Variants in PCM1 observed in about 807,000 individuals in gnomAD.
PCM1 encodes the protein pericentriolar material 1 protein.
In PCM1, 157 loss-of-function variants were observed where a neutral mutation model predicts 241.9. The observed-to-expected ratio is 0.65, with a 90% CI of 0.57 to 0.74. PCM1 has a LOEUF of 0.74. Ranked by LOEUF, PCM1 falls within the 30% of genes least tolerant of loss-of-function variation. The pLI is 0.00. For synonymous variants in PCM1, 1,085 were observed against 784.9 expected (o/e 1.38, Z -6.39); for missense variants, 3,478 against 2,360.1 (o/e 1.47, Z -9.81).
At chr8:17,941,110 A>G (rs932465505) in intron 6 of PCM1, among the ~76,000 whole-genome samples, 2 of 152,186 alleles carry the variant, frequency 1.3e-5, no homozygotes, top group Non-Finnish European at 2.9e-5. Context: ...AGATACTTAG[A>G]GAGCCTGATC....
intron 2 of PCM1, among the ~76,000 whole-genome samples, chr8:17,933,520 G>C (rs193088034): frequency 6.6e-6 from 1 of 152,266 alleles, no homozygotes; most frequent in Non-Finnish European, 1.5e-5. Flanking sequence ...AGAAAAAGTG[G>C]TTGGTTGTAA....
At chr8:17,999,610 G>T (rs1236366659) in intron 29 of PCM1, among the ~76,000 whole-genome samples, 1 of 152,142 alleles carries the variant, frequency 6.6e-6, no homozygotes, top group Non-Finnish European at 1.5e-5. Context: ...GCTGCAGTCA[G>T]TGCTGCCTGG....
chr8:17,931,352 G>C (rs571410339), intron 2 of PCM1, among the ~76,000 whole-genome samples: 2 of 151,804 alleles, frequency 1.3e-5, no homozygotes, highest in African/African-American at 4.8e-5. Flanking sequence ...GCAGTGGCGT[G>C]ATCTCAGCAC....
intron 2 of PCM1, among the ~76,000 whole-genome samples, chr8:17,932,823 C>G (rs78314046): frequency 6.6e-6 from 1 of 151,986 alleles, no homozygotes; most frequent in South Asian, 2.1e-4. Context: ...CTGTTTTAAT[C>G]TTTGACTATT....
chr8:17,969,058 G>C (rs2076009361), intron 21 of PCM1, among the ~76,000 whole-genome samples: 1 of 151,812 alleles, frequency 6.6e-6, no homozygotes, highest in Non-Finnish European at 1.5e-5. Flanking sequence ...CTTGCAAATA[G>C]CTCTGATACA....
intron 4 of PCM1, among the ~76,000 whole-genome samples, chr8:17,938,517 T>C (rs1459695581): frequency 6.6e-6 from 1 of 152,196 alleles, no homozygotes; most frequent in Non-Finnish European, 1.5e-5. Flanking sequence ...TATTCGTCAG[T>C]TGAATTGTCT....
In PCM1 at chr8:17,972,366, A is replaced by G. The variant is rs1002531414; in HGVS notation, c.3622A>G (p.Arg1208Gly). 6.4e-7 allele frequency: 1 copy of G among 1,562,022 alleles called. No homozygotes were observed. Among genetic ancestry groups the G allele is most frequent in the Non-Finnish European group, 8.7e-7 (1 of 1,154,208 alleles). ...KLPEEEVESS[R>G]TPWLYEQEGE... ...GCCTGAAGAGGAGGTGGAAAGCAGTAGGACACCATGGTTATATGAACAAGA... is the reference window on the plus strand; with the variant it reads ...GCCTGAAGAGGAGGTGGAAAGCAGTGGGACACCATGGTTATATGAACAAGA... The change falls in exon 23 of 39, where the codon AGG becomes GGG. Residue 1208 changes from arginine to glycine, a missense_variant. Arg to Gly is a moderately radical substitution (Grantham distance 125). Transcript: ENST00000325083.
chr8:18,024,810 A>T (rs1210176312), intron 36 of PCM1: 2 of 152,360 alleles, frequency 1.3e-5, no homozygotes, highest in African/African-American at 4.8e-5. Context: ...CAAGAAGAAG[A>T]AAAACCTAAG....
chr8:17,991,393 A>G lies in PCM1; in HGVS notation c.4532-149A>G, dbSNP rs1054891137. On this transcript the variant is annotated intron_variant, in intron 27 of 38. Coordinates refer to ENST00000325083, the MANE Select transcript of PCM1 (RefSeq NM_006197.4). ...GGATTAAATAAGTGTGACAATGTAT[A>G]TGAAGTGCTCAAGTAGTATAGTGTG... is the stretch of plus-strand genomic sequence containing the variant. The G allele has an allele frequency of 3.1e-5, 18 of 586,746 alleles. No homozygotes were observed. The African/African-American group carries it at 3.2e-4, about 10-fold the overall frequency. The allele number at this position is 586,746 out of a possible 1,614,324, so 36.3% of individuals were successfully genotyped here. A position where few individuals can be genotyped will look rare whatever the true frequency, so the allele number is the denominator to read the frequency against.
chr8:17,938,971 G>A lies in PCM1; in HGVS notation c.574G>A (p.Glu192Lys). 3 of 1,613,740 alleles carry A rather than the reference G, an allele frequency of 1.9e-6. No individual in the cohort carries two copies. Reference sequence around the variant, plus strand: ...CTTGCAAAACTGTCAGGTGTCTGAAGAAGATGGGAGGGGAGAACCTGCAAT... The same window carrying A: ...CTTGCAAAACTGTCAGGTGTCTGAAAAAGATGGGAGGGGAGAACCTGCAAT... ...DLLQNCQVSEEDGRGEPAMES... is the reference protein window; with the variant it reads ...DLLQNCQVSEKDGRGEPAMES... Residue 192 changes from glutamate (E) to lysine (K), a missense_variant, in exon 5 of 39, where the codon GAA becomes AAA. Glu to Lys is a moderately conservative substitution (Grantham distance 56). Transcript: ENST00000325083.
At chr8:18,006,209 C>T (rs1410164055) in intron 29 of PCM1, 54 bp from the exon 30 acceptor site, 8 of 1,407,348 alleles carry the variant, frequency 5.7e-6, no homozygotes, top group Non-Finnish European at 5.8e-6. Flanking sequence ...GATTGATTTT[C>T]TTTTTTTAAA....
intron 36 of PCM1, among the ~76,000 whole-genome samples, chr8:18,024,474 C>CT (rs1281966544): frequency 6.6e-6 from 1 of 152,096 alleles, no homozygotes; most frequent in Non-Finnish European, 1.5e-5. Context: ...TCTTCTAACT[C>CT]TTTTGTTTGC....
chr8:17,950,651 G>T lies in PCM1; in HGVS notation c.998G>T (p.Ser333Ile). Residue 333 changes from serine to isoleucine, a missense_variant, in exon 8 of 39, where the codon AGT becomes ATT. Physicochemically the swap from Ser to Ile is moderately radical, Grantham distance 142. Coordinates refer to ENST00000325083, the MANE Select transcript of PCM1 (RefSeq NM_006197.4). ...AETAGSLSGV[S>I]ITSELNEELN... is the part of the protein sequence containing the mutation. Reference sequence around the variant, plus strand: ...ACTGCAGGTAGCTTATCTGGCGTCAGTATCACATCTGAACTAAATGAAGAA... The same window carrying T: ...ACTGCAGGTAGCTTATCTGGCGTCATTATCACATCTGAACTAAATGAAGAA... 4.4e-6 allele frequency: 7 copies of T among 1,605,858 alleles called. No homozygotes were observed. Among genetic ancestry groups the T allele is most frequent in the Non-Finnish European group, 6.0e-6 (7 of 1,175,204 alleles).
rs777353771 is a variant in PCM1, at chr8:17,938,759, C to A, written c.362C>A (p.Ser121Tyr). 1 of 1,611,058 alleles carries A rather than the reference C, an allele frequency of 6.2e-7. No individual in the cohort carries two copies. The highest frequency in any genetic ancestry group is 1.1e-5 in the South Asian group (1 of 91,036). Reference protein sequence around the residue: ...DLDQRSIGSDSQGRATAANNK... With the variant: ...DLDQRSIGSDYQGRATAANNK... ...ATATAGAGAAGCATTGGAAGTGATT[C>A]CCAAGGTAGAGCAACAGCTGCTAAC... Residue 121 changes from serine to tyrosine, a missense_variant, in exon 5 of 39, where the codon TCC (serine) becomes TAC (tyrosine). Coordinates refer to ENST00000325083, the MANE Select transcript of PCM1 (RefSeq NM_006197.4).
At chr8:17,991,987 A>G (rs2084813422) in intron 28 of PCM1, among the ~76,000 whole-genome samples, 1 of 152,216 alleles carries the variant, frequency 6.6e-6, no homozygotes, top group African/African-American at 2.4e-5. Flanking sequence ...CATCACTTAG[A>G]TTAACGGTCT....
intron 21 of PCM1, chr8:17,969,333 C>T (rs1343552939): frequency 8.2e-6 from 3 of 365,508 alleles, no homozygotes; most frequent in Non-Finnish European, 1.5e-5. Flanking sequence ...ATGTCAGGTA[C>T]CATTATTTCT....
chr8:17,939,094 C>A, intron 5 of PCM1, 85 bp downstream of exon 5: 1 of 1,361,964 alleles, frequency 7.3e-7, no homozygotes, highest in Non-Finnish European at 1.0e-6. Flanking sequence ...GTTACGCACA[C>A]AGGAATTTTA....
intron 30 of PCM1, among the ~76,000 whole-genome samples, chr8:18,008,844 A>G (rs2091979269): frequency 6.6e-6 from 1 of 152,134 alleles, no homozygotes; most frequent in Non-Finnish European, 1.5e-5. Context: ...AACAGTGAGG[A>G]AAAGAGTTAA....
At chr8:18,022,714 C>T (rs944125385) in intron 36 of PCM1, among the ~76,000 whole-genome samples, 1 of 152,150 alleles carries the variant, frequency 6.6e-6, no homozygotes, top group South Asian at 2.1e-4. Flanking sequence ...TATATGCAGT[C>T]AGACTTTATG....
Sources: allele counts gnomAD v4.1 joint callset (sites outside exome capture counted in the v4.1 genomes callset), GRCh38; gene constraint gnomAD v4.1.1; transcripts MANE v1.5; gene names NCBI Gene and HGNC (gene_info 2026-07-23, HGNC 2026-07-21).